NOC2L: variants seen among roughly 807,000 people sequenced by gnomAD.
NOC2L encodes nucleolar complex protein 2 homolog.
In NOC2L, 101 loss-of-function variants were observed where a neutral mutation model predicts 94.2. The ratio of observed to expected loss-of-function variants is 1.07; its 90% CI spans 0.91 to 1.26. NOC2L has a LOEUF of 1.26. Ranked by LOEUF, NOC2L falls within the 50% of genes most tolerant of loss-of-function variation. The probability of loss-of-function intolerance (pLI) is 0.00; values close to 1 mark genes in which losing one functional copy is unlikely to be tolerated. For missense variants in NOC2L, 1,076 were observed against 980.1 expected, an observed-to-expected ratio of 1.10 and a Z score of -1.31; for synonymous variants, 531 against 413.4, an observed-to-expected ratio of 1.28 and a Z score of -3.45.
At chr1:959,188 A>C in intron 1 of NOC2L, 27 bp downstream of exon 1, 1 of 1,611,586 alleles carries the variant, frequency 6.2e-7, no homozygotes, top group Non-Finnish European at 8.5e-7. Context: ...CCGGGAGGCC[A>C]AATCGGCCCT....
At position 952,639 on chromosome 1, in the gene NOC2L, G is replaced by A. The variant is rs558784349; in HGVS notation, c.1003-39C>T. 53 of 1,601,768 alleles carry A rather than the reference G, an allele frequency of 3.3e-5. 1 individual carries two copies. The South Asian group carries it at 5.5e-4, about 17-fold the overall frequency. On this transcript the variant is annotated intron_variant, in intron 9 of 18. Transcript: ENST00000327044. ...CGGGTCAGAGCCACCTGGGATCAGG[G>A]CCATGCACCTCCACCGCCCACTCCA...
chr1:953,679 T>C (rs1642320359), intron 8 of NOC2L, 103 bp downstream of exon 8: 2 of 840,736 alleles, frequency 2.4e-6, no homozygotes, highest in Non-Finnish European at 3.8e-6. Context: ...GCCAGTGGAG[T>C]GTGGGCACCA....
Position 957,126 on chromosome 1 carries a change from C to A in NOC2L, c.327G>T (p.Pro109=). The change falls in exon 3 of 19, where the codon CCG becomes CCT. Residue 109 remains proline (P), a synonymous_variant. Transcript: ENST00000327044. ...CCAGCACATCTGGCAGGGAGTGGAA[C>A]GGCCCCTCTTCCTCCTCAGAGCTGT... The part of the protein sequence containing the change: ...DSDSSEEEEG[P]FHSLPDVLEE... 1 of 1,614,056 alleles carries A rather than the reference C, an allele frequency of 6.2e-7. No individual in the cohort carries two copies. The highest frequency in any genetic ancestry group is 1.1e-5 in the South Asian group (1 of 91,090).
chr1:950,723 G>A (rs962057586), intron 12 of NOC2L, among the ~76,000 whole-genome samples: 3 of 151,754 alleles, frequency 2.0e-5, no homozygotes, highest in Admixed American at 6.6e-5. Context: ...TGCATGCACA[G>A]ACAAACGCAC....
chr1:946,338 C>T lies in NOC2L; in HGVS notation c.1804-52G>A, dbSNP rs754919091. 8.1e-6 allele frequency: 13 copies of T among 1,611,310 alleles called. No homozygotes were observed. In the South Asian group the frequency reaches 8.8e-5, roughly 11 times the overall value. On this transcript the variant is annotated intron_variant, in intron 15 of 18. Transcript: ENST00000327044. Reference sequence around the variant, plus strand: ...ATGCCTCACCCTGGGCAAACCCCCACATGTAGCTGGGGCTATACCCTGGCA... The same window carrying T: ...ATGCCTCACCCTGGGCAAACCCCCATATGTAGCTGGGGCTATACCCTGGCA...
intron 12 of NOC2L, among the ~76,000 whole-genome samples, chr1:949,434 C>CG (rs1256479021): frequency 6.6e-6 from 1 of 152,116 alleles, no homozygotes; most frequent in Admixed American, 6.5e-5. Flanking sequence ...TAGCCTGGGC[C>CG]AAAAGTATGG....
chr1:951,358 C>T lies in NOC2L; in HGVS notation c.1332-120G>A, dbSNP rs1642256710. ...ATCAGACCCCTAAAGCAGGACAAGGCACGTCTGAACCCCAGGGACCTGCAC... is the reference window on the plus strand; with the variant it reads ...ATCAGACCCCTAAAGCAGGACAAGGTACGTCTGAACCCCAGGGACCTGCAC... On this transcript the variant is annotated intron_variant, in intron 11 of 18. Coordinates refer to ENST00000327044, the MANE Select transcript of NOC2L (RefSeq NM_015658.4). 8.0e-6 allele frequency: 6 copies of T among 750,926 alleles called. No homozygotes were observed. In the African/African-American group the frequency reaches 8.6e-5, roughly 11 times the overall value. 46.5% of individuals were successfully genotyped at this position (750,926 alleles called of 1,614,324 possible).
rs1279532237 is a variant in NOC2L at position 951,151 on chromosome 1, G to A, written c.1419C>T (p.Ile473=). The change falls in exon 12 of 19, where the codon ATC becomes ATT. Residue 473 remains isoleucine, a synonymous_variant. Coordinates refer to ENST00000327044, the MANE Select transcript of NOC2L (RefSeq NM_015658.4). The part of the protein sequence containing the change: ...TLLSGSSGAF[I]PVLPFILEMF... ...CCTCCAGGATGAAAGGCAGCACCGG[G>A]ATGAAGGCCCCCGAGCTCCCCGAGA... The A allele has an allele frequency of 6.3e-7, 1 of 1,589,938 alleles. No individual in the cohort carries two copies. Among genetic ancestry groups the A allele is most frequent in the Non-Finnish European group, 8.6e-7 (1 of 1,168,194 alleles).
rs1642035121 is a variant in NOC2L at position 944,637 on chromosome 1, G to A, written c.*57C>T. ...AGCCTCTAGGCCTGACTGCCAGGGA[G>A]GTGGAAACACTGGCCACCAGCCCGG... On this transcript the variant is annotated 3_prime_UTR_variant, in exon 19 of 19. Coordinates refer to ENST00000327044, the MANE Select transcript of NOC2L (RefSeq NM_015658.4). The A allele has an allele frequency of 1.8e-6, 2 of 1,098,046 alleles. No homozygotes were observed. Among genetic ancestry groups the A allele is most frequent in the Admixed American group, 1.9e-5 (1 of 51,608 alleles). 68.0% of individuals were successfully genotyped at this position (1,098,046 alleles called of 1,614,324 possible). A position where few individuals can be genotyped will look rare whatever the true frequency, so the allele number is the denominator to read the frequency against.
At chr1:952,265 C>T in intron 10 of NOC2L, 126 bp from the exon 11 acceptor site, 1 of 1,392,352 alleles carries the variant, frequency 7.2e-7, no homozygotes. Context: ...ATCCACCCTT[C>T]CCCCACCTGC....
chr1:948,468 C>T (rs1006313366), intron 13 of NOC2L, 22 bp downstream of exon 13: 6 of 1,576,568 alleles, frequency 3.8e-6, no homozygotes, highest in Non-Finnish European at 5.2e-6. Flanking sequence ...GCCCAGGCCC[C>T]TCCCCAGGAG....
At chr1:950,330 C>T (rs1642221060) in intron 12 of NOC2L, among the ~76,000 whole-genome samples, 1 of 152,014 alleles carries the variant, frequency 6.6e-6, no homozygotes, top group South Asian at 2.1e-4. Context: ...CACATGCATG[C>T]ACACAGATGC....
chr1:954,721 G>A (rs895825779), intron 6 of NOC2L, among the ~76,000 whole-genome samples: 2 of 152,028 alleles, frequency 1.3e-5, no homozygotes, highest in African/African-American at 4.8e-5. Flanking sequence ...CAGTTACTTG[G>A]GAGGCTAAGG....
chr1:953,741 C>T (rs781674840), intron 8 of NOC2L, 41 bp downstream of exon 8: 16 of 1,478,674 alleles, frequency 1.1e-5, no homozygotes, highest in African/African-American at 5.5e-5. Context: ...TGTGGCCCCC[C>T]GACCCCATGA....
chr1:952,638 G>C (rs1198308647), intron 9 of NOC2L, 38 bp from the exon 10 acceptor site: 3 of 1,605,130 alleles, frequency 1.9e-6, no homozygotes, highest in South Asian at 2.2e-5. Context: ...CTGGGATCAG[G>C]GCCATGCACC....
intron 14 of NOC2L, 25 bp from the exon 15 acceptor site, chr1:946,570 T>A (rs1642124111): frequency 6.2e-7 from 1 of 1,607,784 alleles, no homozygotes; most frequent in African/African-American, 1.3e-5. Context: ...GGTCAGCCAC[T>A]GAAGCCCAGG....
chr1:951,946 G>C, intron 11 of NOC2L, 54 bp downstream of exon 11: 1 of 1,567,606 alleles, frequency 6.4e-7, no homozygotes, highest in Non-Finnish European at 8.7e-7. Flanking sequence ...CACAGTCCCA[G>C]CAAATTTGCT....
Position 944,578 on chromosome 1 carries a change from C to T in NOC2L, c.*116G>A, listed in dbSNP as rs1007459917. The T allele has an allele frequency of 4.7e-5, 31 of 661,510 alleles. No homozygotes were observed. In the South Asian group the frequency reaches 5.2e-4, roughly 11 times the overall value. 41.0% of individuals were successfully genotyped at this position (661,510 alleles called of 1,614,324 possible). ...GAAAAATAAATAATAAAGCCTGTCC[C>T]GTGTCTACTGCCTCCCCCAACTGCA... is the stretch of plus-strand genomic sequence containing the variant. On this transcript the variant is annotated 3_prime_UTR_variant, in exon 19 of 19. Transcript: ENST00000327044.
Position 945,098 on chromosome 1 carries a change from T to A in NOC2L, c.2102A>T (p.Glu701Val). The A allele has an allele frequency of 6.2e-7, 1 of 1,613,802 alleles. No homozygotes were observed. The highest frequency in any genetic ancestry group is 8.5e-7 in the Non-Finnish European group (1 of 1,179,848). ...STRHGVEDDE[E>V]DEEEGEEDSS... ...GTCCTCCTCGCCCTCCTCCTCGTCC[T>A]CTTCATCGTCTTCCACCCCATGCCG... Residue 701 changes from glutamate to valine, a missense_variant, in exon 18 of 19, where the codon GAG becomes GTG. Glu to Val is a moderately radical substitution (Grantham distance 121, BLOSUM62 -2). Around this residue, in one of 3 missense-constraint regions of NOC2L, gnomAD observed 615 missense variants for 577.4 expected, o/e 1.07. Transcript: ENST00000327044.
Sources: allele counts gnomAD v4.1 joint callset (sites outside exome capture counted in the v4.1 genomes callset), GRCh38; gene constraint gnomAD v4.1.1; regional missense constraint gnomAD v4.1.1; transcripts MANE v1.5; gene names NCBI Gene and HGNC (gene_info 2026-07-23, HGNC 2026-07-21).